The following PCDHAC2 variants were observed in gnomAD, a reference collection of about 807,000 sequenced individuals.
PCDHAC2 encodes the protein protocadherin alpha-C2.
Under a neutral mutation model 63.3 loss-of-function variants are expected in PCDHAC2, and 24 were observed. That is an observed-to-expected ratio of 0.38 (90% CI 0.27 to 0.53). The LOEUF (loss-of-function observed/expected upper bound fraction) is 0.53. Among genes scored for constraint, PCDHAC2 ranks in the 20% least tolerant of loss-of-function variants. The pLI, the probability that PCDHAC2 is intolerant of heterozygous loss-of-function variation, is 0.81. For missense variants in PCDHAC2, 1,181 were observed against 1,275.2 expected, an observed-to-expected ratio of 0.93 and a Z score of 1.12; for synonymous variants, 569 against 529.4, an observed-to-expected ratio of 1.07 and a Z score of -1.03.
At position 140,967,309 on chromosome 5, in the gene PCDHAC2, A is replaced by G. The variant is rs782218334; in HGVS notation, c.543A>G (p.Ser181=). Residue 181 remains serine, a synonymous_variant, in exon 1 of 4, where the codon TCA becomes TCG. Transcript: ENST00000289269. ...AGGACCCCGACGTGGGCGCCAACTC[A>G]GTACAGACCTACGAGCTCAGCCCCA... ...SAQDPDVGAN[S]VQTYELSPSE... 1 of 1,611,224 alleles carries G rather than the reference A, an allele frequency of 6.2e-7. No individual in the cohort carries two copies. The highest frequency in any genetic ancestry group is 2.2e-5 in the East Asian group (1 of 44,766).
At chr5:140,984,751 T>A (rs2097118127) in intron 3 of PCDHAC2, among the ~76,000 whole-genome samples, 1 of 152,158 alleles carries the variant, frequency 6.6e-6, no homozygotes. Context: ...CAGATTTGAG[T>A]TGAATTCTAA....
intron 3 of PCDHAC2, among the ~76,000 whole-genome samples, chr5:140,984,769 C>T (rs145432187): frequency 1.3e-5 from 2 of 152,194 alleles, no homozygotes; most frequent in African/African-American, 2.4e-5. Context: ...TAATCCCAAG[C>T]TTACTTGCTG....
chr5:140,984,971 T>A (rs1437915679), intron 3 of PCDHAC2, among the ~76,000 whole-genome samples: 1 of 152,080 alleles, frequency 6.6e-6, no homozygotes, highest in East Asian at 1.9e-4. Flanking sequence ...AGAGTCTCGC[T>A]CTGTCCCCCA....
chr5:140,969,058 TG>T lies in PCDHAC2; in HGVS notation c.2293del (p.Asp765MetfsTer33). ...ELYKQANNNI[D>X]ARIPHGLKVQ... Reference sequence around the variant, plus strand: ...TGTACAAACAAGCCAACAACAATATTGATGCCAGGATACCGCATGGCCTCAA... The same window carrying T: ...TGTACAAACAAGCCAACAACAATATTATGCCAGGATACCGCATGGCCTCAA... On this transcript the variant is annotated frameshift_variant, in exon 1 of 4. Transcript: ENST00000289269. LOFTEE classifies it high-confidence loss of function. The T allele has an allele frequency of 1.2e-6, 2 of 1,614,166 alleles. No homozygotes were observed. The highest frequency in any genetic ancestry group is 1.7e-6 in the Non-Finnish European group (2 of 1,180,004).
At chr5:140,977,599 AC>A (rs782213571) in intron 1 of PCDHAC2, among the ~76,000 whole-genome samples, 1 of 152,150 alleles carries the variant, frequency 6.6e-6, no homozygotes, top group Non-Finnish European at 1.5e-5. Context: ...GCATGTGAGG[AC>A]CATTGAGGTA....
chr5:140,970,222 C>T (rs1270140969), intron 1 of PCDHAC2, among the ~76,000 whole-genome samples: 2 of 152,134 alleles, frequency 1.3e-5, no homozygotes, highest in Non-Finnish European at 2.9e-5. Context: ...TAAATGCAGC[C>T]TGTAATCTTC....
Position 140,993,460 on chromosome 5 carries a change from T to TCC in PCDHAC2, c.2713+10898_2713+10899insCC, listed in dbSNP as rs1554253699. ...TTCATTCCTGTTCTCCTTCTTTCTT[T>TCC]CTCACACACACACACACACACACAC... On this transcript the variant is annotated intron_variant, in intron 3 of 3. Coordinates refer to ENST00000289269, the MANE Select transcript of PCDHAC2 (RefSeq NM_018899.6). Among the ~76,000 whole-genome samples, 535 of 104,558 alleles carry TCC rather than the reference T, an allele frequency of 5.1e-3. 5 individuals carry two copies. Among genetic ancestry groups the TCC allele is most frequent in the African/African-American group, 0.02 (517 of 25,554 alleles). The allele number at this position is 104,558 out of a possible 152,430, so 68.6% of individuals were successfully genotyped here. A position where few individuals can be genotyped will look rare whatever the true frequency, so the allele number is the denominator to read the frequency against.
At chr5:140,989,437 A>G (rs1330784508) in intron 3 of PCDHAC2, among the ~76,000 whole-genome samples, 1 of 152,138 alleles carries the variant, frequency 6.6e-6, no homozygotes, top group East Asian at 1.9e-4. Flanking sequence ...AAAATTGCTG[A>G]GGTTGTTTAG....
chr5:140,967,066 C>A lies in PCDHAC2; in HGVS notation c.300C>A (p.Phe100Leu), dbSNP rs782715200. 2 of 1,612,908 alleles carry A rather than the reference C, an allele frequency of 1.2e-6. No individual in the cohort carries two copies. Among genetic ancestry groups the A allele is most frequent in the Non-Finnish European group, 1.7e-6 (2 of 1,179,664 alleles). The change falls in exon 1 of 4, where the codon TTC becomes TTA. Residue 100 changes from phenylalanine to leucine, a missense_variant. Physicochemically the swap from Phe to Leu is conservative, Grantham distance 22. Coordinates refer to ENST00000289269, the MANE Select transcript of PCDHAC2 (RefSeq NM_018899.6). Reference sequence around the variant, plus strand: ...TGGACCTGACGAGTGGAGCGCTCTTCGTCAACGAGCGCATTGATCGGGAGG... The same window carrying A: ...TGGACCTGACGAGTGGAGCGCTCTTAGTCAACGAGCGCATTGATCGGGAGG... Reference protein sequence around the residue: ...LELDLTSGALFVNERIDREAL... With the variant: ...LELDLTSGALLVNERIDREAL...
In PCDHAC2 at chr5:140,968,162, C is replaced by A; in HGVS notation, c.1396C>A (p.Pro466Thr). 6.2e-7 allele frequency: 1 copy of A among 1,614,122 alleles called. No individual in the cohort carries two copies. Among genetic ancestry groups the A allele is most frequent in the East Asian group, 2.2e-5 (1 of 44,870 alleles). The stretch of plus-strand genomic sequence containing the variant: ...TGAGATCTCTGACATCAATGACAAT[C>A]CACCAAGCTTCCTGGAGGACTCCTA... The part of the protein sequence containing the change: ...KVEISDINDN[P>T]PSFLEDSYSI... The change falls in exon 1 of 4, where the codon CCA becomes ACA. Residue 466 changes from proline (P) to threonine (T), a missense_variant. Coordinates refer to ENST00000289269, the MANE Select transcript of PCDHAC2 (RefSeq NM_018899.6).
rs2098418726 is a variant in PCDHAC2 at position 141,010,899 on chromosome 5, C to T, written c.*962C>T. 2 of 153,680 alleles carry T rather than the reference C, an allele frequency of 1.3e-5. No individual in the cohort carries two copies. Among genetic ancestry groups the T allele is most frequent in the Admixed American group, 6.6e-5 (1 of 15,264 alleles). The allele number at this position is 153,680 out of a possible 1,614,324, so 9.5% of individuals were successfully genotyped here. ...TTTAAAGAGAAATATGAATACAATT[C>T]CCCTAAACTCTCCTCAAAAGAGAAT... On this transcript the variant is annotated 3_prime_UTR_variant, in exon 4 of 4. Coordinates refer to ENST00000289269, the MANE Select transcript of PCDHAC2 (RefSeq NM_018899.6).
At chr5:140,991,991 T>C (rs1420188681) in intron 3 of PCDHAC2, among the ~76,000 whole-genome samples, 1 of 151,444 alleles carries the variant, frequency 6.6e-6, no homozygotes, top group Admixed American at 6.6e-5. Context: ...TACCACCCGG[T>C]CTTTCATGTT....
chr5:140,973,178 G>A (rs188308697), intron 1 of PCDHAC2, among the ~76,000 whole-genome samples: 1 of 152,282 alleles, frequency 6.6e-6, no homozygotes, highest in Admixed American at 6.5e-5. Flanking sequence ...CAAACCTTCA[G>A]TTATTTCTGC....
In PCDHAC2 at chr5:141,009,724, T is replaced by A. The variant is rs1554262325; in HGVS notation, c.2811T>A (p.Gly937=). The change falls in exon 4 of 4, where the codon GGT becomes GGA. Residue 937 remains glycine (G), a synonymous_variant. Transcript: ENST00000289269. ...KYGPGNPKQS[G]PGELPDKFII... is the part of the protein sequence containing the mutation. ...GACCAGGCAACCCCAAACAATCCGG[T>A]CCCGGTGAGTTGCCCGACAAATTCA... 6.2e-7 allele frequency: 1 copy of A among 1,614,116 alleles called. No individual in the cohort carries two copies. The highest frequency in any genetic ancestry group is 2.2e-5 in the East Asian group (1 of 44,868).
At chr5:140,970,862 T>C (rs2153787404) in intron 1 of PCDHAC2, among the ~76,000 whole-genome samples, 1 of 152,312 alleles carries the variant, frequency 6.6e-6, no homozygotes, top group South Asian at 2.1e-4. Flanking sequence ...GTTCCATTCC[T>C]GATTGAGAGT....
Position 141,002,363 on chromosome 5 carries a change from A to G in PCDHAC2, c.2714-7264A>G, listed in dbSNP as rs75749580. On this transcript the variant is annotated intron_variant, in intron 3 of 3. Transcript: ENST00000289269. ...CCTTCCCCCACCTCCACTCCTTTCAACTCATTCTGGCTTAGGGCTCCTGCT... is the reference window on the plus strand; with the variant it reads ...CCTTCCCCCACCTCCACTCCTTTCAGCTCATTCTGGCTTAGGGCTCCTGCT... Among the ~76,000 whole-genome samples, 567 of 152,272 alleles carry G rather than the reference A, an allele frequency of 3.7e-3. 5 individuals are homozygous for G. Among genetic ancestry groups the G allele is most frequent in the African/African-American group, 0.013 (537 of 41,558 alleles).
At chr5:140,995,698 G>A (rs963042409) in intron 3 of PCDHAC2, among the ~76,000 whole-genome samples, 2 of 152,104 alleles carry the variant, frequency 1.3e-5, no homozygotes, top group African/African-American at 2.4e-5. Flanking sequence ...TTAAATAAAG[G>A]GCTGGGCTTG....
intron 3 of PCDHAC2, among the ~76,000 whole-genome samples, chr5:141,008,053 C>T (rs1554261648): frequency 6.6e-6 from 1 of 152,056 alleles, no homozygotes; most frequent in African/African-American, 2.4e-5. Context: ...AACAGGGGTC[C>T]AGTCCATCTA....
Position 140,968,935 on chromosome 5 carries a change from C to T in PCDHAC2, c.2169C>T (p.Ile723=). The change falls in exon 1 of 4, where the codon ATC becomes ATT. Residue 723 remains isoleucine (I), a synonymous_variant. Transcript: ENST00000289269. The part of the protein sequence containing the change: ...STVSFIFLLT[I]IILSIIKCYR... ...TGTCTTTTATATTTCTTTTGACAAT[C>T]ATCATTTTGAGCATCATCAAGTGCT... The T allele has an allele frequency of 6.2e-7, 1 of 1,614,172 alleles. No individual in the cohort carries two copies. The highest frequency in any genetic ancestry group is 8.5e-7 in the Non-Finnish European group (1 of 1,180,014).
Sources: gnomAD v4.1 joint callset for allele counts (sites outside exome capture counted in the v4.1 genomes callset) on GRCh38, gnomAD v4.1.1 for gene constraint, MANE v1.5 for transcripts, NCBI Gene and HGNC (gene_info 2026-07-23, HGNC 2026-07-21) for gene names.